The following TSPAN10 variants were observed in gnomAD, a reference collection of about 807,000 sequenced individuals.
TSPAN10 encodes the protein tetraspanin 10.
Under a neutral mutation model 15.0 loss-of-function variants are expected in TSPAN10, and 11 were observed. The observed-to-expected ratio is 0.73, with a 90% CI of 0.46 to 1.21. The LOEUF is 1.21. Among genes scored for constraint, TSPAN10 ranks in the 50% most tolerant of loss-of-function variants. The probability of loss-of-function intolerance (pLI) is 0.00; values close to 1 mark genes in which losing one functional copy is unlikely to be tolerated. For synonymous variants in TSPAN10, 241 were observed against 226.2 expected, an observed-to-expected ratio of 1.07 and a Z score of -0.59; for missense variants, 486 against 470.6, an observed-to-expected ratio of 1.03 and a Z score of -0.30.
chr17:81,638,311 GT>G (rs2036138493), upstream of TSPAN10: 16 of 149,118 alleles, frequency 1.1e-4, no homozygotes, highest in African/African-American at 3.9e-4. Flanking sequence ...GTTTTTTTTT[GT>G]TTTTGAGTCC....
chr17:81,642,398 G>A, upstream of TSPAN10: 1 of 1,613,610 alleles, frequency 6.2e-7, no homozygotes, highest in Non-Finnish European at 8.5e-7. Flanking sequence ...GGGGCTTTCT[G>A]TTCCAGCGTC....
rs775524327 is a variant in TSPAN10 at position 81,645,089 on chromosome 17, G to A, written c.134G>A (p.Cys45Tyr). Reference sequence around the variant, plus strand: ...GAGGACCAGGCGGAGGCCTGGGGCTGCAGCTGCTGTCCCCCGGAGACCAAG... The same window carrying A: ...GAGGACCAGGCGGAGGCCTGGGGCTACAGCTGCTGTCCCCCGGAGACCAAG... The change falls in exon 2 of 3, where the codon TGC becomes TAC. Residue 45 changes from cysteine (C) to tyrosine (Y), a missense_variant. Coordinates refer to ENST00000611590, the Ensembl canonical transcript of TSPAN10. 2.5e-6 allele frequency: 4 copies of A among 1,592,212 alleles called. No individual in the cohort carries two copies. The South Asian group carries it at 4.5e-5, about 18-fold the overall frequency.
At chr17:81,637,630 C>G (rs1472252689), upstream of TSPAN10, 2 of 481,464 alleles carry the variant, frequency 4.2e-6, no homozygotes, top group Non-Finnish European at 3.8e-6. Context: ...GAAACCCCGT[C>G]TCTACTCAAA....
chr17:81,648,271 G>A, exon 3 of TSPAN10: 3 of 1,213,288 alleles, frequency 2.5e-6, no homozygotes, highest in Non-Finnish European at 3.1e-6. Context: ...CGCCCCGCCC[G>A]CTGCCAAGCC....
intron 2 of TSPAN10, chr17:81,646,689 A>AAG (rs2036258710): frequency 6.6e-6 from 1 of 151,346 alleles, no homozygotes; most frequent in South Asian, 2.1e-4. Context: ...CAAAAAAAAA[A>AAG]AAGAAAAGAA....
At chr17:81,645,281 G>A in exon 2 of TSPAN10, 2 of 1,533,804 alleles carry the variant, frequency 1.3e-6, no homozygotes, top group Non-Finnish European at 1.7e-6. Flanking sequence ...GGGTCTCTGG[G>A]AAGTGATCTG....
At chr17:81,644,813 C>A (rs892326294) in intron 1 of TSPAN10, among the ~76,000 whole-genome samples, 179 bp from the exon 3 acceptor site, 1 of 152,238 alleles carries the variant, frequency 6.6e-6, no homozygotes, top group African/African-American at 2.4e-5. Flanking sequence ...CCGAGCGGGA[C>A]GGCCCTGAGG....
At chr17:81,644,858 C>G in intron 1 of TSPAN10, 134 bp from the exon 3 acceptor site, 2 of 1,282,652 alleles carry the variant, frequency 1.6e-6, no homozygotes, top group Non-Finnish European at 2.1e-6. Context: ...TCTCTGAGCT[C>G]CAGTGCTGCC....
upstream of TSPAN10, chr17:81,639,265 T>C (rs537014807): frequency 4.5e-4 from 59 of 132,180 alleles, no homozygotes; most frequent in African/African-American, 1.6e-3. Flanking sequence ...TGGAGTGCAA[T>C]GGCGCGATCC....
chr17:81,647,976 T>C lies in TSPAN10; in HGVS notation c.750T>C (p.Asp250=), dbSNP rs745721821. The change falls in exon 3 of 3, where the codon GAT becomes GAC. Residue 250 remains aspartate, a synonymous_variant. Coordinates refer to ENST00000611590, the Ensembl canonical transcript of TSPAN10. ...CCTGCTGCATCGACCCCCGCGAAGA[T>C]GGAGCCTCTGTCAACGACCAGTGCG... 1.9e-6 allele frequency: 3 copies of C among 1,611,358 alleles called. No individual in the cohort carries two copies. The East Asian group carries it at 6.7e-5, about 36-fold the overall frequency.
chr17:81,637,331 C>A, exon 1 of TSPAN10: 1 of 663,770 alleles, frequency 1.5e-6, no homozygotes. Context: ...AAGTCTCACC[C>A]AAAAATAACT....
At chr17:81,639,928 C>T (rs1387923818), upstream of TSPAN10, among the ~76,000 whole-genome samples, 4 of 151,380 alleles carry the variant, frequency 2.6e-5, no homozygotes, top group Non-Finnish European at 4.4e-5. Flanking sequence ...TGCAGTGAGC[C>T]GAGATCACGC....
At chr17:81,642,390 G>T (rs750217024), upstream of TSPAN10, 1 of 1,613,534 alleles carries the variant, frequency 6.2e-7, no homozygotes, top group Non-Finnish European at 8.5e-7. Flanking sequence ...CTGTGCTGGG[G>T]GCTTTCTGTT....
exon 2 of TSPAN10, chr17:81,645,535 C>G: frequency 1.2e-6 from 2 of 1,602,698 alleles, no homozygotes; most frequent in Non-Finnish European, 1.7e-6. Flanking sequence ...CGCCCACTAC[C>G]AGGACGACCC....
At chr17:81,639,755 G>A (rs2036161534), upstream of TSPAN10, among the ~76,000 whole-genome samples, 1 of 151,018 alleles carries the variant, frequency 6.6e-6, no homozygotes, top group South Asian at 2.1e-4. Flanking sequence ...GAGGCAGGTG[G>A]ATCACGAAGT....
At chr17:81,644,493 A>G (rs1315919471) in intron 1 of TSPAN10, among the ~76,000 whole-genome samples, 27 of 152,234 alleles carry the variant, frequency 1.8e-4, no homozygotes, top group Admixed American at 1.8e-3. Flanking sequence ...CATGTGGGCC[A>G]GCCCCTGTGG....
At chr17:81,645,462 C>T (rs757173269) in exon 2 of TSPAN10, 1 of 1,587,264 alleles carries the variant, frequency 6.3e-7, no homozygotes, top group Non-Finnish European at 8.5e-7. Context: ...TGGCGGGGGC[C>T]CTGGTGGTGG....
chr17:81,645,010 C>A, exon 2 of TSPAN10: 1 of 1,611,098 alleles, frequency 6.2e-7, no homozygotes. Flanking sequence ...AGGCCAGAAG[C>A]CCCTCTCTGT....
upstream of TSPAN10, among the ~76,000 whole-genome samples, chr17:81,639,654 G>C (rs2036160055): frequency 6.7e-6 from 1 of 149,880 alleles, no homozygotes; most frequent in South Asian, 2.1e-4. Context: ...TCCCAGCGCG[G>C]TGGCTCACGC....
Sources: gnomAD v4.1 joint callset for allele counts (sites outside exome capture counted in the v4.1 genomes callset) on GRCh38, gnomAD v4.1.1 for gene constraint, MANE v1.5 for transcripts, NCBI Gene and HGNC (gene_info 2026-07-23, HGNC 2026-07-21) for gene names.